PRKG1: variants seen among roughly 807,000 people sequenced by gnomAD.
PRKG1 encodes the protein cGMP-dependent protein kinase 1.
A neutral mutation model predicts 88.1 loss-of-function variants in PRKG1; 35 were observed. The observed-to-expected ratio is 0.40, with a 90% CI of 0.30 to 0.53. The LOEUF is 0.53. Among genes scored for constraint, PRKG1 ranks in the 20% least tolerant of loss-of-function variants. The pLI, the probability that PRKG1 is intolerant of heterozygous loss-of-function variation, is 0.59. For missense variants in PRKG1, 540 were observed against 839.8 expected (o/e 0.64, Z 4.41); for synonymous variants, 303 against 292.5 (o/e 1.04, Z -0.37).
chr10:51,680,629 C>T (rs1270962873), intron 3 of PRKG1, among the ~76,000 whole-genome samples: 1 of 152,186 alleles, frequency 6.6e-6, no homozygotes, highest in Non-Finnish European at 1.5e-5. Context: ...AGAAAACTTC[C>T]ATGATGACTT....
At chr10:51,510,427 G>T (rs1377737679) in intron 3 of PRKG1, among the ~76,000 whole-genome samples, 1 of 152,096 alleles carries the variant, frequency 6.6e-6, no homozygotes, top group Non-Finnish European at 1.5e-5. Context: ...TTGCAATGAA[G>T]CGAGTCATAT....
intron 3 of PRKG1, among the ~76,000 whole-genome samples, chr10:51,637,535 T>C (rs1157293305): frequency 1.3e-5 from 2 of 152,192 alleles, no homozygotes; most frequent in African/African-American, 4.8e-5. Flanking sequence ...TGATCAATGA[T>C]AGACTAGATA....
At chr10:51,891,553 C>A (rs2132907783) in intron 4 of PRKG1, among the ~76,000 whole-genome samples, 1 of 152,236 alleles carries the variant, frequency 6.6e-6, no homozygotes, top group African/African-American at 2.4e-5. Flanking sequence ...TGTCATTCAA[C>A]AAACTTTGAG....
intron 4 of PRKG1, among the ~76,000 whole-genome samples, chr10:51,805,779 T>C (rs1337851990): frequency 6.6e-6 from 1 of 152,136 alleles, no homozygotes; most frequent in African/African-American, 2.4e-5. Context: ...CTTTTATACA[T>C]TTTTATTTCC....
intron 3 of PRKG1, among the ~76,000 whole-genome samples, chr10:51,722,163 A>C (rs1330688771): frequency 6.6e-6 from 1 of 151,008 alleles, no homozygotes; most frequent in Non-Finnish European, 1.5e-5. Flanking sequence ...TGGGAGGCGG[A>C]GGTTGCAGTG....
chr10:51,505,366 G>T (rs1408064153), intron 3 of PRKG1, among the ~76,000 whole-genome samples: 2 of 152,100 alleles, frequency 1.3e-5, no homozygotes, highest in Non-Finnish European at 2.9e-5. Flanking sequence ...TGCTGGATTT[G>T]GTTTGCCAAT....
At chr10:52,204,428 TA>T (rs1839761383) in intron 9 of PRKG1, among the ~76,000 whole-genome samples, 1 of 152,156 alleles carries the variant, frequency 6.6e-6, no homozygotes, top group South Asian at 2.1e-4. Context: ...AGTTGCTTTA[TA>T]ATGCGTTGTG....
At position 51,467,716 on chromosome 10, in the gene PRKG1, T is replaced by C; in HGVS notation, c.479-7T>C. Reference sequence around the variant, plus strand: ...TATATAACATGTTTTTCCCTCCTCCTTTTTAGATGGTAAGGTTGAAGTTAC... The same window carrying C: ...TATATAACATGTTTTTCCCTCCTCCCTTTTAGATGGTAAGGTTGAAGTTAC... On this transcript the variant is annotated splice_polypyrimidine_tract_variant and splice_region_variant and intron_variant, in intron 2 of 17. Transcript: ENST00000373980. The C allele has an allele frequency of 6.2e-7, 1 of 1,602,272 alleles. No homozygotes were observed. Among genetic ancestry groups the C allele is most frequent in the East Asian group, 2.2e-5 (1 of 44,766 alleles).
At chr10:51,683,838 A>G (rs1840912980) in intron 3 of PRKG1, among the ~76,000 whole-genome samples, 1 of 152,204 alleles carries the variant, frequency 6.6e-6, no homozygotes, top group South Asian at 2.1e-4. Flanking sequence ...GGCAACTGAA[A>G]AACTCACAAC....
chr10:51,697,730 T>A, intron 3 of PRKG1: 1 of 1,614,154 alleles, frequency 6.2e-7, no homozygotes, highest in Non-Finnish European at 8.5e-7. Context: ...CTGGATTTGT[T>A]CCTTTAAAAT....
intron 4 of PRKG1, among the ~76,000 whole-genome samples, chr10:51,867,109 T>C (rs537332498): frequency 6.6e-6 from 1 of 152,218 alleles, no homozygotes; most frequent in African/African-American, 2.4e-5. Context: ...TTAAGTAGCC[T>C]AAAAGGTACA....
chr10:52,191,329 ATT>A (rs34410355), intron 9 of PRKG1, among the ~76,000 whole-genome samples: 4 of 138,322 alleles, frequency 2.9e-5, no homozygotes, highest in African/African-American at 2.6e-5. Flanking sequence ...TGCTCCAGCT[ATT>A]TTTTTTTTTT....
chr10:52,034,307 G>A (rs1363505609), intron 5 of PRKG1, among the ~76,000 whole-genome samples: 11 of 135,696 alleles, frequency 8.1e-5, no homozygotes, highest in African/African-American at 1.7e-4. Context: ...GAGAATGGGC[G>A]ATGTTTCTCA....
chr10:51,775,717 T>C (rs1252656259), intron 3 of PRKG1, among the ~76,000 whole-genome samples: 1 of 152,108 alleles, frequency 6.6e-6, no homozygotes, highest in East Asian at 1.9e-4. Context: ...CCTGAGTAGC[T>C]ATGTTTACAA....
chr10:52,293,892 G>C lies in PRKG1; in HGVS notation c.2053G>C (p.Asp685His), dbSNP rs1398800687. The C allele has an allele frequency of 2.5e-6, 4 of 1,608,544 alleles. No individual in the cohort carries two copies. The highest frequency in any genetic ancestry group is 2.2e-5 in the East Asian group (1 of 44,848). ...TGATGACAACTCAGGATGGGATATA[G>C]ACTTCTAATGTATTTCTCTTACCTG... ...PPDDNSGWDI[D>H]F Residue 685 changes from aspartate to histidine, a missense_variant, in exon 18 of 18, where the codon GAC becomes CAC. Physicochemically the swap from Asp to His is moderately conservative, Grantham distance 81. Around this residue, in one of 5 missense-constraint regions of PRKG1, gnomAD observed 26 missense variants for 18.4 expected, o/e 1.41. Coordinates refer to ENST00000373980, the MANE Select transcript of PRKG1 (RefSeq NM_006258.4).
rs1431842802 is a variant in PRKG1, at chr10:51,301,589, A to T, written c.478+148259A>T. 4.6e-5 allele frequency among the ~76,000 whole-genome samples: 7 copies of T among 152,320 alleles called. No homozygotes were observed. The East Asian group carries it at 1.2e-3, about 25-fold the overall frequency. On this transcript the variant is annotated intron_variant, in intron 2 of 17. Transcript: ENST00000373980. ...AATGGAGCAACAGAAATCCATAGTAATCTATCCAAAAAAGAAAGACCAAAG... is the reference window on the plus strand; with the variant it reads ...AATGGAGCAACAGAAATCCATAGTATTCTATCCAAAAAAGAAAGACCAAAG...
intron 3 of PRKG1, among the ~76,000 whole-genome samples, chr10:51,469,048 T>C (rs989485187): frequency 1.3e-4 from 20 of 151,804 alleles, no homozygotes; most frequent in Non-Finnish European, 2.7e-4. Context: ...TGATAGATGC[T>C]GCCATGTTTT....
intron 5 of PRKG1, among the ~76,000 whole-genome samples, chr10:51,949,234 G>T (rs1238143452): frequency 6.6e-6 from 1 of 152,046 alleles, no homozygotes; most frequent in Non-Finnish European, 1.5e-5. Context: ...ATTCAAAAAG[G>T]GATGGTTTGC....
chr10:51,403,940 A>G (rs1051591262), intron 2 of PRKG1, among the ~76,000 whole-genome samples: 1 of 152,198 alleles, frequency 6.6e-6, no homozygotes, highest in Non-Finnish European at 1.5e-5. Flanking sequence ...GGTAGTAACA[A>G]AGCCATTTGG....
Sources: gnomAD v4.1 joint callset for allele counts (sites outside exome capture counted in the v4.1 genomes callset) on GRCh38, gnomAD v4.1.1 for gene constraint, gnomAD v4.1.1 regional missense constraint, MANE v1.5 for transcripts, NCBI Gene and HGNC (gene_info 2026-07-23, HGNC 2026-07-21) for gene names.